Variants in ADD3 observed in about 807,000 individuals in gnomAD.
The protein encoded by ADD3 is gamma-adducin.
Under a neutral mutation model 80.2 loss-of-function variants are expected in ADD3, and 25 were observed. The ratio of observed to expected loss-of-function variants is 0.31; its 90% CI spans 0.23 to 0.44. ADD3 has a LOEUF of 0.44. Ranked by LOEUF, ADD3 falls within the 20% of genes least tolerant of loss-of-function variation. The probability of loss-of-function intolerance (pLI) is 1.00; values close to 1 mark genes in which losing one functional copy is unlikely to be tolerated. For synonymous variants in ADD3, 284 were observed against 289.6 expected (o/e 0.98, Z 0.20); for missense variants, 829 against 847.5 (o/e 0.98, Z 0.27).
chr10:110,007,807 G>A (rs886330089), upstream of ADD3, among the ~76,000 whole-genome samples: 15 of 151,186 alleles, frequency 9.9e-5, no homozygotes, highest in Non-Finnish European at 2.2e-4. Flanking sequence ...CCAGAGGCGA[G>A]GTCTTGAGGA....
chr10:110,052,002 T>C (rs1423962042), intron 1 of ADD3, among the ~76,000 whole-genome samples: 1 of 152,178 alleles, frequency 6.6e-6, no homozygotes, highest in Non-Finnish European at 1.5e-5. Flanking sequence ...GGTCTTGCCA[T>C]GTTGCCCAAG....
chr10:110,094,321 AATATG>A (rs1262993375), intron 1 of ADD3, among the ~76,000 whole-genome samples: 2 of 152,312 alleles, frequency 1.3e-5, no homozygotes, highest in South Asian at 2.1e-4. Context: ...ATGATTTTAT[AATATG>A]ATATTTGAGC....
chr10:110,097,743 AACAGTTCCTT>A lies in ADD3; in HGVS notation c.-29-2870_-29-2861del, dbSNP rs1436438616. ...GTCTCCTTTGTCTTCTTTAATCTGGAACAGTTCCTTACAGTTCCTTAGTCTTTGTTTTTCT... is the reference window on the plus strand; with the variant it reads ...GTCTCCTTTGTCTTCTTTAATCTGGAACAGTTCCTTAGTCTTTGTTTTTCT... On this transcript the variant is annotated intron_variant, in intron 1 of 14. Coordinates refer to ENST00000356080, the MANE Select transcript of ADD3 (RefSeq NM_016824.5). Among the ~76,000 whole-genome samples the A allele has an allele frequency of 5.3e-5, 8 of 151,294 alleles. No individual in the cohort carries two copies. In the East Asian group the frequency reaches 9.6e-4, roughly 18 times the overall value.
At chr10:110,074,831 G>A (rs1311518771) in intron 1 of ADD3, among the ~76,000 whole-genome samples, 1 of 152,082 alleles carries the variant, frequency 6.6e-6, no homozygotes, top group African/African-American at 2.4e-5. Context: ...TCATACTTTA[G>A]TTGTTAAGCC....
Position 110,133,527 on chromosome 10 carries a change from C to G in ADD3, c.2030C>G (p.Ser677Cys). The change falls in exon 15 of 15, where the codon TCC (serine) becomes TGC (cysteine). Residue 677 changes from serine (S) to cysteine (C), a missense_variant. By Grantham distance (112) the Ser-to-Cys change is moderately radical (BLOSUM62 -1). Transcript: ENST00000356080. ...GAAGAAGTCCTGTCACCTGAAGGCTCCCCTTCAAAATCGCCATCCAAGAAA... is the reference window on the plus strand; with the variant it reads ...GAAGAAGTCCTGTCACCTGAAGGCTGCCCTTCAAAATCGCCATCCAAGAAA... ...KIEEVLSPEG[S>C]PSKSPSKKKK... 3.1e-6 allele frequency: 5 copies of G among 1,612,622 alleles called. No individual in the cohort carries two copies. Among genetic ancestry groups the G allele is most frequent in the Non-Finnish European group, 2.5e-6 (3 of 1,179,346 alleles).
chr10:110,109,995 G>A (rs1015145679), intron 2 of ADD3, among the ~76,000 whole-genome samples: 1 of 152,090 alleles, frequency 6.6e-6, no homozygotes, highest in Non-Finnish European at 1.5e-5. Context: ...ACTAGATACC[G>A]GCAATAGAAC....
At chr10:110,051,962 T>A (rs1857566202) in intron 1 of ADD3, among the ~76,000 whole-genome samples, 1 of 152,058 alleles carries the variant, frequency 6.6e-6, no homozygotes, top group Non-Finnish European at 1.5e-5. Flanking sequence ...CCATCATGGC[T>A]AAGTTTAAAT....
At position 110,100,643 on chromosome 10, in the gene ADD3, A is replaced by G. The variant is rs756536764; in HGVS notation, c.-11A>G. On this transcript the variant is annotated 5_prime_UTR_variant, in exon 2 of 15. Coordinates refer to ENST00000356080, the MANE Select transcript of ADD3 (RefSeq NM_016824.5). ...AATGCAGATAACAAGAGTAATCCAC[A>G]GACTTAAAACATGAGCTCAGATGCC... The G allele has an allele frequency of 2.5e-6, 4 of 1,582,702 alleles. No homozygotes were observed. The highest frequency in any genetic ancestry group is 3.8e-5 in the Admixed American group (2 of 52,892).
intron 14 of ADD3, 164 bp downstream of exon 14, chr10:110,132,564 G>A (rs1013050293): frequency 1.7e-6 from 1 of 572,686 alleles, no homozygotes; most frequent in Non-Finnish European, 3.1e-6. Context: ...TAAAAATGGG[G>A]CGCTACTTTT....
intron 8 of ADD3, 136 bp from the exon 9 acceptor site, chr10:110,121,974 A>C (rs1364137401): frequency 1.2e-4 from 81 of 649,224 alleles, no homozygotes; most frequent in Non-Finnish European, 1.8e-4. Context: ...CAAGAGTGTC[A>C]TCTTGTCTTT....
intron 1 of ADD3, among the ~76,000 whole-genome samples, chr10:110,027,419 GT>G (rs1006028452): frequency 2.0e-5 from 3 of 152,172 alleles, no homozygotes; most frequent in African/African-American, 7.2e-5. Context: ...AATTTAAAAT[GT>G]TGTAGAAGCC....
At chr10:110,085,263 A>G (rs1446218276) in intron 1 of ADD3, among the ~76,000 whole-genome samples, 1 of 152,234 alleles carries the variant, frequency 6.6e-6, no homozygotes, top group East Asian at 1.9e-4. Context: ...CACAGTTCAA[A>G]ATGAAATAAT....
chr10:110,070,408 T>C (rs547784714), intron 1 of ADD3, among the ~76,000 whole-genome samples: 1 of 152,288 alleles, frequency 6.6e-6, no homozygotes, highest in Admixed American at 6.5e-5. Context: ...AGAAAAGAAA[T>C]ATATGGTGAA....
Position 110,126,438 on chromosome 10 carries a change from G to A in ADD3, c.1543G>A (p.Asp515Asn). Reference sequence around the variant, plus strand: ...TCAGATTCGGGAACAAAATCGATATGACTTGAAAACAGCAGGACCACAATC... The same window carrying A: ...TCAGATTCGGGAACAAAATCGATATAACTTGAAAACAGCAGGACCACAATC... ...RNKIREQNRY[D>N]LKTAGPQSQL... The change falls in exon 12 of 15, where the codon GAC becomes AAC. Residue 515 changes from aspartate (D) to asparagine (N), a missense_variant. Asp to Asn is a conservative substitution (Grantham distance 23). Coordinates refer to ENST00000356080, the MANE Select transcript of ADD3 (RefSeq NM_016824.5). 1 of 1,613,478 alleles carries A rather than the reference G, an allele frequency of 6.2e-7. No individual in the cohort carries two copies. The highest frequency in any genetic ancestry group is 8.5e-7 in the Non-Finnish European group (1 of 1,179,842).
upstream of ADD3, among the ~76,000 whole-genome samples, chr10:110,002,212 A>G (rs1219224365): frequency 6.6e-6 from 1 of 151,868 alleles, no homozygotes; most frequent in Non-Finnish European, 1.5e-5. Context: ...GAAACGCTTG[A>G]ACCCAGGAGG....
chr10:110,130,256 G>C (rs902673362), intron 12 of ADD3, 107 bp from the exon 13 acceptor site: 1 of 1,124,402 alleles, frequency 8.9e-7, no homozygotes, highest in South Asian at 1.5e-5. Context: ...GTGAAATAAG[G>C]CTTCACAAAC....
At chr10:110,036,304 T>C (rs1413406633) in intron 1 of ADD3, among the ~76,000 whole-genome samples, 1 of 152,144 alleles carries the variant, frequency 6.6e-6, no homozygotes, top group African/African-American at 2.4e-5. Context: ...TTTACCAGTT[T>C]TGGAATTGTT....
chr10:110,097,642 A>G (rs147554900), intron 1 of ADD3, among the ~76,000 whole-genome samples: 218 of 152,236 alleles, frequency 1.4e-3, no homozygotes, highest in African/African-American at 2.1e-3. Context: ...AATTTCACCA[A>G]TTGTCTCACT....
chr10:110,008,877 C>T (rs1214777478), intron 1 of ADD3, among the ~76,000 whole-genome samples: 1 of 152,158 alleles, frequency 6.6e-6, no homozygotes, highest in Non-Finnish European at 1.5e-5. Context: ...CACACCGCCC[C>T]TACAAACGTA....
Sources: gnomAD v4.1 joint callset for allele counts (sites outside exome capture counted in the v4.1 genomes callset) on GRCh38, gnomAD v4.1.1 for gene constraint, MANE v1.5 for transcripts, NCBI Gene and HGNC (gene_info 2026-07-23, HGNC 2026-07-21) for gene names.